Variants in MED13L observed in about 807,000 individuals in gnomAD.
MED13L encodes the protein mediator of RNA polymerase II transcription subunit 13-like.
Under a neutral mutation model 220.9 loss-of-function variants are expected in MED13L, and 7 were observed. That is an observed-to-expected ratio of 0.03 (90% CI 0.02 to 0.06). The LOEUF (loss-of-function observed/expected upper bound fraction) is 0.06, where lower values mean the gene tolerates loss of function less well. Ranked by LOEUF, MED13L falls within the 10% of genes least tolerant of loss-of-function variation. The probability of loss-of-function intolerance (pLI) is 1.00; values close to 1 mark genes in which losing one functional copy is unlikely to be tolerated. For missense variants in MED13L, 1,965 were observed against 2,760.5 expected, an observed-to-expected ratio of 0.71 and a Z score of 6.46; for synonymous variants, 1,011 against 1,015.2, an observed-to-expected ratio of 1.00 and a Z score of 0.08.
At chr12:116,263,706 A>G (rs118051919) in intron 1 of MED13L, among the ~76,000 whole-genome samples, 75 of 152,314 alleles carry the variant, frequency 4.9e-4, no homozygotes, top group Non-Finnish European at 9.4e-4. Flanking sequence ...ACATTTATTT[A>G]TATATCCCAA....
intron 2 of MED13L, among the ~76,000 whole-genome samples, chr12:116,191,091 C>CAAAAAAAAAA (rs558125739): frequency 1.5e-5 from 1 of 66,004 alleles, no homozygotes. Flanking sequence ...GACTCTGTCT[C>CAAAAAAAAAA]AAAAAAAAAA....
At chr12:116,206,057 T>C (rs1882307115) in intron 2 of MED13L, among the ~76,000 whole-genome samples, 1 of 145,546 alleles carries the variant, frequency 6.9e-6, no homozygotes, top group Non-Finnish European at 1.5e-5. Context: ...GATATAGAGA[T>C]ACTTAAGTAT....
chr12:116,055,346 T>C (rs1868860908), intron 4 of MED13L, among the ~76,000 whole-genome samples: 1 of 152,240 alleles, frequency 6.6e-6, no homozygotes, highest in Non-Finnish European at 1.5e-5. Flanking sequence ...AATAGAATGT[T>C]TTCAGAAAGT....
chr12:116,239,072 G>A lies in MED13L; in HGVS notation c.73-1367C>T, dbSNP rs545570932. On this transcript the variant is annotated intron_variant, in intron 1 of 30. Transcript: ENST00000281928. ...ATCGTGCCACGGCACTCCAGCCTGAGTGACATGCCACAGCACTCCAGCCAG... is the reference window on the plus strand; with the variant it reads ...ATCGTGCCACGGCACTCCAGCCTGAATGACATGCCACAGCACTCCAGCCAG... Among the ~76,000 whole-genome samples the A allele has an allele frequency of 2.6e-5, 4 of 152,170 alleles. No homozygotes were observed. In the South Asian group the frequency reaches 8.3e-4, roughly 32 times the overall value.
chr12:116,098,711 T>C (rs1872819536), intron 3 of MED13L, among the ~76,000 whole-genome samples: 1 of 152,180 alleles, frequency 6.6e-6, no homozygotes, highest in African/African-American at 2.4e-5. Flanking sequence ...GATCTTCCAT[T>C]GTTCACAATG....
chr12:116,099,143 G>C (rs1872851044), intron 3 of MED13L, among the ~76,000 whole-genome samples: 1 of 152,154 alleles, frequency 6.6e-6, no homozygotes, highest in Non-Finnish European at 1.5e-5. Flanking sequence ...GGCACAGTGA[G>C]AATGTCATCC....
chr12:116,219,850 T>C (rs867126171), intron 2 of MED13L, among the ~76,000 whole-genome samples: 2 of 152,268 alleles, frequency 1.3e-5, no homozygotes, highest in South Asian at 4.1e-4. Flanking sequence ...CAGGCTGGAG[T>C]GCAGTGGCAT....
intron 14 of MED13L, among the ~76,000 whole-genome samples, chr12:116,002,030 A>G (rs1372219188): frequency 6.6e-6 from 1 of 152,244 alleles, no homozygotes; most frequent in East Asian, 1.9e-4. Flanking sequence ...ACCTGCACAT[A>G]TCTATTTTAA....
intron 2 of MED13L, among the ~76,000 whole-genome samples, chr12:116,132,741 G>A (rs1593081549): frequency 1.3e-5 from 2 of 152,174 alleles, no homozygotes; most frequent in Non-Finnish European, 2.9e-5. Context: ...CCAACATGGC[G>A]AAACCCTGTC....
chr12:116,076,373 CAATA>C (rs1417638783), intron 4 of MED13L, among the ~76,000 whole-genome samples: 2 of 151,980 alleles, frequency 1.3e-5, no homozygotes, highest in Non-Finnish European at 2.9e-5. Context: ...TCTATCTCTA[CAATA>C]AATACACAAA....
At chr12:115,980,402 C>G in intron 23 of MED13L, 1 of 310,536 alleles carries the variant, frequency 3.2e-6, no homozygotes, top group Non-Finnish European at 6.3e-6. Flanking sequence ...CAGCTCACTG[C>G]CATCTCAAAC....
intron 14 of MED13L, among the ~76,000 whole-genome samples, chr12:116,002,401 A>T (rs1003454349): frequency 6.6e-6 from 1 of 152,216 alleles, no homozygotes; most frequent in African/African-American, 2.4e-5. Context: ...TTGCAATGGA[A>T]TTATGTTTCT....
At chr12:116,007,220 C>A in intron 11 of MED13L, 191 bp downstream of exon 11, 1 of 638,526 alleles carries the variant, frequency 1.6e-6, no homozygotes. Flanking sequence ...GACTTTTAAA[C>A]AAAGGTGAGC....
chr12:116,276,478 C>T, intron 1 of MED13L: 1 of 1,288,350 alleles, frequency 7.8e-7, no homozygotes. Context: ...GCATAGTAAG[C>T]CCCGAGAGGC....
intron 4 of MED13L, among the ~76,000 whole-genome samples, chr12:116,057,887 AAT>A (rs1309658323): frequency 2.6e-5 from 4 of 152,140 alleles, no homozygotes; most frequent in Non-Finnish European, 4.4e-5. Flanking sequence ...TCTTATTTTA[AAT>A]CATTGAGCTA....
At chr12:116,119,827 AAAAAAAAAAAAATAT>A (rs1372166792) in intron 2 of MED13L, among the ~76,000 whole-genome samples, 3 of 115,906 alleles carry the variant, frequency 2.6e-5, no homozygotes, top group Non-Finnish European at 5.3e-5. Context: ...AAAAAAAAAA[AAAAAAAAAAAAATAT>A]ATATATATAT....
At chr12:116,013,760 T>G (rs1879560480) in intron 8 of MED13L, among the ~76,000 whole-genome samples, 1 of 152,222 alleles carries the variant, frequency 6.6e-6, no homozygotes, top group Non-Finnish European at 1.5e-5. Context: ...TTTGGATTGC[T>G]GATTTTGCTA....
intron 1 of MED13L, among the ~76,000 whole-genome samples, chr12:116,240,807 G>A (rs150812731): frequency 1.8e-3 from 267 of 151,468 alleles, no homozygotes; most frequent in Middle Eastern, 0.014. Flanking sequence ...GATTACAGGC[G>A]CGAGCCACCA....
chr12:116,177,041 T>G (rs1880123525), intron 2 of MED13L, among the ~76,000 whole-genome samples: 1 of 152,166 alleles, frequency 6.6e-6, no homozygotes, highest in South Asian at 2.1e-4. Context: ...TAAATTTTTA[T>G]CTAAGTATCC....
Sources: gnomAD v4.1 joint callset for allele counts (sites outside exome capture counted in the v4.1 genomes callset) on GRCh38, gnomAD v4.1.1 for gene constraint, MANE v1.5 for transcripts, NCBI Gene and HGNC (gene_info 2026-07-23, HGNC 2026-07-21) for gene names.